Variants in GRM8 observed in about 807,000 individuals in gnomAD.
GRM8 encodes metabotropic glutamate receptor 8.
GRM8 carries 47 observed loss-of-function variants against 87.2 expected under a neutral mutation model. That is an observed-to-expected ratio of 0.54 (90% CI 0.43 to 0.69). The LOEUF (loss-of-function observed/expected upper bound fraction) is 0.69, where lower values mean the gene tolerates loss of function less well. GRM8 is among the 30% of genes least tolerant of loss of function. The pLI, the probability that GRM8 is intolerant of heterozygous loss-of-function variation, is 0.00. For missense variants in GRM8, 1,019 were observed against 1,139.2 expected, an observed-to-expected ratio of 0.89 and a Z score of 1.52; for synonymous variants, 396 against 404.5, an observed-to-expected ratio of 0.98 and a Z score of 0.25.
At chr7:126,570,518 T>C (rs1238677754) in intron 8 of GRM8, among the ~76,000 whole-genome samples, 1 of 152,202 alleles carries the variant, frequency 6.6e-6, no homozygotes, top group Admixed American at 6.5e-5. Context: ...ATCCACCCAC[T>C]GACAAGAAGT....
intron 2 of GRM8, among the ~76,000 whole-genome samples, chr7:127,142,666 G>C (rs902763315): frequency 1.3e-5 from 2 of 152,044 alleles, no homozygotes; most frequent in African/African-American, 4.8e-5. Flanking sequence ...TGATTAATAG[G>C]CTTGATAGAT....
intron 6 of GRM8, among the ~76,000 whole-genome samples, chr7:126,778,773 C>A (rs895773556): frequency 6.6e-6 from 1 of 152,070 alleles, no homozygotes; most frequent in Non-Finnish European, 1.5e-5. Context: ...GCTACCCCCA[C>A]CCCCAATATG....
chr7:126,539,667 G>T (rs149574196), intron 8 of GRM8, among the ~76,000 whole-genome samples: 1 of 151,580 alleles, frequency 6.6e-6, no homozygotes, highest in Admixed American at 6.6e-5. Context: ...GTATGTTCAC[G>T]TTATTTTTGA....
chr7:127,207,402 C>T (rs1402609084), intron 2 of GRM8, among the ~76,000 whole-genome samples: 1 of 152,076 alleles, frequency 6.6e-6, no homozygotes, highest in South Asian at 2.1e-4. Flanking sequence ...CATAAATGCT[C>T]ATTTACTTAT....
At chr7:127,181,270 T>A (rs1794418078) in intron 2 of GRM8, among the ~76,000 whole-genome samples, 1 of 151,726 alleles carries the variant, frequency 6.6e-6, no homozygotes, top group Non-Finnish European at 1.5e-5. Context: ...AATAAAATAC[T>A]TAGGAATACA....
intron 7 of GRM8, among the ~76,000 whole-genome samples, chr7:126,651,795 C>T (rs1803907834): frequency 1.3e-5 from 2 of 152,108 alleles, no homozygotes; most frequent in South Asian, 2.1e-4. Flanking sequence ...GAAGAGTATG[C>T]ATGGAATACA....
chr7:126,984,855 A>G (rs1388085961), intron 3 of GRM8, among the ~76,000 whole-genome samples: 1 of 152,166 alleles, frequency 6.6e-6, no homozygotes, highest in African/African-American at 2.4e-5. Flanking sequence ...TTACCATTTT[A>G]CTTAGGAGTA....
At chr7:126,539,056 G>T (rs1816214213) in intron 8 of GRM8, among the ~76,000 whole-genome samples, 1 of 151,668 alleles carries the variant, frequency 6.6e-6, no homozygotes, top group Non-Finnish European at 1.5e-5. Context: ...AATCTAATAT[G>T]CTTGAGATGA....
intron 7 of GRM8, among the ~76,000 whole-genome samples, chr7:126,754,453 T>C (rs1330431716): frequency 9.9e-5 from 15 of 151,974 alleles, no homozygotes; most frequent in Non-Finnish European, 1.5e-4. Flanking sequence ...GTGAACTGGC[T>C]CTGGAAACAT....
intron 3 of GRM8, among the ~76,000 whole-genome samples, chr7:127,061,751 T>C (rs1381338013): frequency 6.6e-6 from 1 of 152,192 alleles, no homozygotes; most frequent in Non-Finnish European, 1.5e-5. Context: ...TCAGTGTCTA[T>C]CTTGTCACTG....
intron 8 of GRM8, among the ~76,000 whole-genome samples, chr7:126,601,222 A>G (rs1156758390): frequency 1.8e-4 from 27 of 151,818 alleles, no homozygotes; most frequent in Non-Finnish European, 1.0e-4. Context: ...GAGAATGATG[A>G]TTTCCAATTT....
rs1289504061 is a variant in GRM8 at position 126,828,420 on chromosome 7, T to G, written c.1157-58355A>C. Among the ~76,000 whole-genome samples, 6 of 152,346 alleles carry G rather than the reference T, an allele frequency of 3.9e-5. No individual in the cohort carries two copies. The South Asian group carries it at 8.3e-4, about 21-fold the overall frequency. On this transcript the variant is annotated intron_variant, in intron 6 of 10. Transcript: ENST00000339582. ...TTATTGGTCTATTCAGAGATTCAACTTCTTCCTGGTTTAGTCTTCGGAGGG... is the reference window on the plus strand; with the variant it reads ...TTATTGGTCTATTCAGAGATTCAACGTCTTCCTGGTTTAGTCTTCGGAGGG...
At chr7:126,529,564 T>G (rs959716977) in intron 9 of GRM8, among the ~76,000 whole-genome samples, 7 of 152,190 alleles carry the variant, frequency 4.6e-5, no homozygotes, top group African/African-American at 1.7e-4. Context: ...TTTCTTTTCT[T>G]TTCTTTTTTT....
intron 8 of GRM8, among the ~76,000 whole-genome samples, chr7:126,585,663 T>C (rs920499575): frequency 6.6e-5 from 10 of 152,058 alleles, no homozygotes; most frequent in African/African-American, 2.4e-4. Context: ...ATAAATTAGG[T>C]ATTGATGGGA....
chr7:126,916,830 A>C (rs1271485728), intron 3 of GRM8, among the ~76,000 whole-genome samples: 1 of 152,212 alleles, frequency 6.6e-6, no homozygotes, highest in Non-Finnish European at 1.5e-5. Flanking sequence ...AACTTCAGAG[A>C]ACAAACATCA....
At chr7:126,694,480 G>A (rs1809164300) in intron 7 of GRM8, among the ~76,000 whole-genome samples, 1 of 152,154 alleles carries the variant, frequency 6.6e-6, no homozygotes, top group Admixed American at 6.5e-5. Context: ...ACTTTTAATG[G>A]AAGCTATTAT....
chr7:127,033,209 C>T (rs536332802), intron 3 of GRM8, among the ~76,000 whole-genome samples: 9 of 152,004 alleles, frequency 5.9e-5, no homozygotes, highest in East Asian at 1.9e-4. Context: ...TATAGACCTA[C>T]GTAACATATG....
intron 2 of GRM8, among the ~76,000 whole-genome samples, chr7:127,226,849 A>G (rs1158090416): frequency 6.6e-6 from 1 of 152,194 alleles, no homozygotes; most frequent in Non-Finnish European, 1.5e-5. Context: ...GTGGTGCTAC[A>G]GTGTTTCTAC....
Position 127,060,823 on chromosome 7 carries a change from A to C in GRM8, c.727+45673T>G, listed in dbSNP as rs1263712238. 5.9e-5 allele frequency among the ~76,000 whole-genome samples: 9 copies of C among 151,804 alleles called. No homozygotes were observed. In the East Asian group the frequency reaches 1.7e-3, roughly 29 times the overall value. On this transcript the variant is annotated intron_variant, in intron 3 of 10. Transcript: ENST00000339582. ...CAGATGCATGTAGCAAAAAAAAAAA[A>C]TTTAACTCATTTTGTGTCTTTCAGA... is the stretch of plus-strand genomic sequence containing the variant.
Sources: allele counts gnomAD v4.1 joint callset (sites outside exome capture counted in the v4.1 genomes callset), GRCh38; gene constraint gnomAD v4.1.1; transcripts MANE v1.5; gene names NCBI Gene and HGNC (gene_info 2026-07-23, HGNC 2026-07-21).